THSD4: variants seen among roughly 807,000 people sequenced by gnomAD.
The protein encoded by THSD4 is thrombospondin type-1 domain-containing protein 4.
A neutral mutation model predicts 119.0 loss-of-function variants in THSD4; 69 were observed. That is an observed-to-expected ratio of 0.58 (90% confidence interval 0.48 to 0.71). The LOEUF (loss-of-function observed/expected upper bound fraction) is 0.71, where lower values mean the gene tolerates loss of function less well. THSD4 is among the 30% of genes least tolerant of loss of function. The pLI is 0.00. For synonymous variants in THSD4, 524 were observed against 540.4 expected, an observed-to-expected ratio of 0.97 and a Z score of 0.42; for missense variants, 1,393 against 1,391.1, an observed-to-expected ratio of 1.00 and a Z score of -0.02.
chr15:71,535,751 T>G lies in THSD4; in HGVS notation c.1152+123928T>G, dbSNP rs147943344. 5.0e-3 allele frequency among the ~76,000 whole-genome samples: 767 copies of G among 152,376 alleles called. 7 individuals carry two copies. The highest frequency in any genetic ancestry group is 0.018 in the African/African-American group (743 of 41,590). On this transcript the variant is annotated intron_variant, in intron 7 of 17. Coordinates refer to ENST00000261862, the MANE Select transcript of THSD4 (RefSeq NM_024817.3). ...ATGTTTTTTCCTGGAGAAATGTCTATTCAAACCTTTTGCCCATTTTTAATT... is the reference window on the plus strand; with the variant it reads ...ATGTTTTTTCCTGGAGAAATGTCTAGTCAAACCTTTTGCCCATTTTTAATT...
At chr15:71,456,955 TC>T in intron 7 of THSD4, among the ~76,000 whole-genome samples, 1 of 152,300 alleles carries the variant, frequency 6.6e-6, no homozygotes, top group East Asian at 1.9e-4. Context: ...AGCTACAGTT[TC>T]TAGGCTGACT....
chr15:71,414,856 C>G (rs761489800), intron 7 of THSD4, among the ~76,000 whole-genome samples: 3 of 152,208 alleles, frequency 2.0e-5, no homozygotes, highest in African/African-American at 7.2e-5. Context: ...CTGGATACTA[C>G]TTTGCATTTG....
chr15:71,738,292 A>G, intron 11 of THSD4: 1 of 326,388 alleles, frequency 3.1e-6, no homozygotes, highest in East Asian at 6.4e-5. Flanking sequence ...TAACGCCACC[A>G]CTGATCTCGC....
intron 7 of THSD4, among the ~76,000 whole-genome samples, chr15:71,647,518 G>A (rs1297095443): frequency 2.6e-5 from 4 of 152,136 alleles, no homozygotes; most frequent in Admixed American, 1.3e-4. Context: ...ATGTATCTAT[G>A]GTTAGAAGAG....
Position 71,287,701 on chromosome 15 carries a change from TGCCA to T in THSD4, c.1015+30987_1015+30990del, listed in dbSNP as rs549482351. On this transcript the variant is annotated intron_variant, in intron 6 of 17. Transcript: ENST00000261862. The stretch of plus-strand genomic sequence containing the variant: ...AGTTTTGAAACTAGGATGAACCCCC[TGCCA>T]CCCAGGAGTCCAGGACCACTCTGTG... 5.8e-4 allele frequency among the ~76,000 whole-genome samples: 88 copies of T among 152,322 alleles called. 1 individual carries two copies. In the South Asian group the frequency reaches 6.6e-3, roughly 11 times the overall value.
At chr15:71,454,808 GA>G (rs1456215648) in intron 7 of THSD4, among the ~76,000 whole-genome samples, 1 of 152,204 alleles carries the variant, frequency 6.6e-6, no homozygotes, top group Admixed American at 6.5e-5. Context: ...TCATTCCAAA[GA>G]GGAACAAAAT....
intron 7 of THSD4, among the ~76,000 whole-genome samples, chr15:71,628,054 TC>T (rs2050542713): frequency 6.6e-6 from 1 of 152,178 alleles, no homozygotes; most frequent in African/African-American, 2.4e-5. Context: ...CACAGTAGGA[TC>T]ACCTGGGAAA....
intron 7 of THSD4, among the ~76,000 whole-genome samples, chr15:71,464,257 C>A (rs140271291): frequency 6.6e-6 from 1 of 152,232 alleles, no homozygotes; most frequent in Non-Finnish European, 1.5e-5. Context: ...CTCTCCACCC[C>A]AGAACCTTCA....
At chr15:71,615,595 G>A (rs965232325) in intron 7 of THSD4, among the ~76,000 whole-genome samples, 6 of 152,096 alleles carry the variant, frequency 3.9e-5, no homozygotes, top group African/African-American at 1.4e-4. Context: ...TTTAGAATAA[G>A]TAGGTACAGA....
intron 6 of THSD4, among the ~76,000 whole-genome samples, chr15:71,290,425 A>AT (rs5813625): frequency 4.6e-5 from 7 of 151,086 alleles, no homozygotes; most frequent in African/African-American, 1.2e-4. Flanking sequence ...TGTCATTTAG[A>AT]TTTTTTTTTT....
chr15:71,755,204 G>T (rs1259018555), intron 14 of THSD4, among the ~76,000 whole-genome samples: 2 of 152,150 alleles, frequency 1.3e-5, no homozygotes, highest in African/African-American at 4.8e-5. Flanking sequence ...ACATATTTTG[G>T]GGTGGCATGT....
intron 7 of THSD4, among the ~76,000 whole-genome samples, chr15:71,467,264 C>G (rs983929001): frequency 6.6e-6 from 1 of 152,188 alleles, no homozygotes; most frequent in Non-Finnish European, 1.5e-5. Flanking sequence ...TCTCATCCAT[C>G]CTCGGTTCAC....
intron 7 of THSD4, among the ~76,000 whole-genome samples, chr15:71,612,118 C>CAA (rs1284404048): frequency 6.6e-6 from 1 of 152,164 alleles, no homozygotes; most frequent in East Asian, 1.9e-4. Context: ...GGACAACTCT[C>CAA]AAAGACTTGG....
intron 6 of THSD4, among the ~76,000 whole-genome samples, chr15:71,404,998 C>G (rs1369882824): frequency 6.6e-6 from 1 of 152,110 alleles, no homozygotes; most frequent in Non-Finnish European, 1.5e-5. Context: ...AAGCAGTTCT[C>G]CTGCCTCAGC....
At chr15:71,226,796 C>T (rs2044021494) in intron 4 of THSD4, among the ~76,000 whole-genome samples, 1 of 152,216 alleles carries the variant, frequency 6.6e-6, no homozygotes, top group African/African-American at 2.4e-5. Context: ...TTGGCCTTAT[C>T]TGTGTTTCTC....
chr15:71,777,480 T>TGGA lies in THSD4; in HGVS notation c.*107_*108insGAG. On this transcript the variant is annotated 3_prime_UTR_variant, in exon 18 of 18. Coordinates refer to ENST00000261862, the MANE Select transcript of THSD4 (RefSeq NM_024817.3). Reference sequence around the variant, plus strand: ...ACCACGGGCCCCCTGGCCCAGGCGCTGCCAACCAACTTAGTCACCACCCCT... The same window carrying TGGA: ...ACCACGGGCCCCCTGGCCCAGGCGCTGGAGCCAACCAACTTAGTCACCACCCCT... 6.8e-7 allele frequency: 1 copy of TGGA among 1,463,192 alleles called. No individual in the cohort carries two copies. 90.6% of individuals were successfully genotyped at this position (1,463,192 alleles called of 1,614,324 possible). A position where few individuals can be genotyped will look rare whatever the true frequency, so the allele number is the denominator to read the frequency against.
At position 71,115,624 on chromosome 15, in the gene THSD4, G is replaced by T. The variant is rs1436696982; in HGVS notation, c.-154G>T. ...CGTCCATGCGGCGGCGCTCGGGGCTGCCCGGCGCCGGGAACCACGCGGGGG... is the reference window on the plus strand; with the variant it reads ...CGTCCATGCGGCGGCGCTCGGGGCTTCCCGGCGCCGGGAACCACGCGGGGG... On this transcript the variant is annotated 5_prime_UTR_variant, in exon 1 of 18. Coordinates refer to ENST00000261862, the MANE Select transcript of THSD4 (RefSeq NM_024817.3). The surrounding 1 kb of genome is among the most constrained non-coding windows in gnomAD (Gnocchi z 4.4). 1 of 147,242 alleles carries T rather than the reference G, an allele frequency of 6.8e-6. No individual in the cohort carries two copies. The highest frequency in any genetic ancestry group is 2.4e-5 in the African/African-American group (1 of 40,930). The allele number at this position is 147,242 out of a possible 1,614,324, so 9.1% of individuals were successfully genotyped here.
intron 6 of THSD4, among the ~76,000 whole-genome samples, chr15:71,267,692 C>T (rs1313579954): frequency 1.3e-5 from 2 of 152,188 alleles, no homozygotes; most frequent in African/African-American, 4.8e-5. Context: ...CAAGACCCAT[C>T]AGTGTGCTGT....
At chr15:71,377,147 A>C (rs2046149393) in intron 6 of THSD4, among the ~76,000 whole-genome samples, 1 of 152,188 alleles carries the variant, frequency 6.6e-6, no homozygotes, top group African/African-American at 2.4e-5. Flanking sequence ...GATTTCATGA[A>C]GGGGGTAAAG....
Sources: gnomAD v4.1 joint callset for allele counts (sites outside exome capture counted in the v4.1 genomes callset) on GRCh38, gnomAD v4.1.1 for gene constraint, Gnocchi (gnomAD v3.1) non-coding constraint, MANE v1.5 for transcripts, NCBI Gene and HGNC (gene_info 2026-07-23, HGNC 2026-07-21) for gene names.